CNRIP1: variants seen among roughly 807,000 people sequenced by gnomAD.
The protein encoded by CNRIP1 is cannabinoid receptor interacting protein 1.
CNRIP1 carries 10 observed loss-of-function variants against 15.2 expected under a neutral mutation model. The ratio of observed to expected loss-of-function variants is 0.66; its 90% CI spans 0.41 to 1.12. The LOEUF (loss-of-function observed/expected upper bound fraction) is 1.12, where lower values mean the gene tolerates loss of function less well. CNRIP1 is among the 50% of genes most tolerant of loss of function. The pLI is 0.00. For missense variants in CNRIP1, 211 were observed against 214.7 expected, an observed-to-expected ratio of 0.98 and a Z score of 0.11; for synonymous variants, 91 against 83.2, an observed-to-expected ratio of 1.09 and a Z score of -0.51.
At position 68,312,585 on chromosome 2, in the gene CNRIP1, G is replaced by T. The variant is rs538022132; in HGVS notation, c.330+4572C>A. On this transcript the variant is annotated intron_variant, in intron 2 of 2. Transcript: ENST00000263655. ...TGTCCACTCTCACCATTTCTATTTAGCAGCATACTGCGAAGGTCCTAGCCA... is the reference window on the plus strand; with the variant it reads ...TGTCCACTCTCACCATTTCTATTTATCAGCATACTGCGAAGGTCCTAGCCA... Among the ~76,000 whole-genome samples, 4 of 152,180 alleles carry T rather than the reference G, an allele frequency of 2.6e-5. No homozygotes were observed. In the East Asian group the frequency reaches 7.7e-4, roughly 29 times the overall value.
At chr2:68,307,426 A>T (rs1426568034) in intron 2 of CNRIP1, among the ~76,000 whole-genome samples, 1 of 152,104 alleles carries the variant, frequency 6.6e-6, no homozygotes, top group Non-Finnish European at 1.5e-5. Context: ...GGCTGGAGTA[A>T]CCCTCCCACC....
At chr2:68,291,345 A>C (rs924042774), downstream of CNRIP1, among the ~76,000 whole-genome samples, 9 of 152,046 alleles carry the variant, frequency 5.9e-5, no homozygotes, top group African/African-American at 2.2e-4. Flanking sequence ...AACTCTTAAA[A>C]GGCTTCAGAA....
At chr2:68,317,385 G>A (rs1672314959) in intron 1 of CNRIP1, 78 bp from the exon 2 acceptor site, 2 of 1,504,172 alleles carry the variant, frequency 1.3e-6, no homozygotes, top group Non-Finnish European at 9.1e-7. Flanking sequence ...AAAACTCTAG[G>A]CAGGAAACTT....
At chr2:68,308,114 G>A (rs1300237552) in intron 2 of CNRIP1, among the ~76,000 whole-genome samples, 1 of 152,028 alleles carries the variant, frequency 6.6e-6, no homozygotes, top group East Asian at 1.9e-4. Context: ...GGTCTCTTGA[G>A]CCCAGGAGTT....
intron 1 of CNRIP1, among the ~76,000 whole-genome samples, chr2:68,319,016 G>C (rs890341834): frequency 2.0e-5 from 3 of 152,262 alleles, no homozygotes; most frequent in African/African-American, 7.2e-5. Flanking sequence ...GCGATGGGTG[G>C]AGGGAAGCGA....
intron 2 of CNRIP1, among the ~76,000 whole-genome samples, chr2:68,308,241 T>G (rs1459565554): frequency 6.6e-6 from 1 of 151,146 alleles, no homozygotes; most frequent in Admixed American, 6.6e-5. Context: ...AAACCCCCGA[T>G]GTCATTGGGA....
chr2:68,284,566 C>G, intron 2 of CNRIP1: 1 of 843,476 alleles, frequency 1.2e-6, no homozygotes, highest in Non-Finnish European at 1.8e-6. Flanking sequence ...AATCCCAGCA[C>G]TTTGGGAGGC....
chr2:68,296,102 CACT>C (rs924736537), intron 2 of CNRIP1, among the ~76,000 whole-genome samples: 1 of 152,144 alleles, frequency 6.6e-6, no homozygotes, highest in Non-Finnish European at 1.5e-5. Flanking sequence ...AACAATGCAA[CACT>C]AAAGGTCCAT....
rs1038164866 is a variant in CNRIP1 at position 68,293,302 on chromosome 2, T to C, written c.*560A>G. On this transcript the variant is annotated 3_prime_UTR_variant, in exon 3 of 3. Coordinates refer to ENST00000263655, the MANE Select transcript of CNRIP1 (RefSeq NM_015463.3). ...TATTTGTCCTTCTAGTTTGTTACCATCCTTCCCTGAAAGAGCGGAGCTGTT... is the reference window on the plus strand; with the variant it reads ...TATTTGTCCTTCTAGTTTGTTACCACCCTTCCCTGAAAGAGCGGAGCTGTT... 1 of 986,032 alleles carries C rather than the reference T, an allele frequency of 1.0e-6. No individual in the cohort carries two copies. The highest frequency in any genetic ancestry group is 1.2e-6 in the Non-Finnish European group (1 of 830,318). The allele number at this position is 986,032 out of a possible 1,614,324, so 61.1% of individuals were successfully genotyped here. A position where few individuals can be genotyped will look rare whatever the true frequency, so the allele number is the denominator to read the frequency against.
chr2:68,308,698 G>C (rs1671960222), intron 2 of CNRIP1, among the ~76,000 whole-genome samples: 1 of 152,068 alleles, frequency 6.6e-6, no homozygotes, highest in Non-Finnish European at 1.5e-5. Flanking sequence ...CATAATGCTT[G>C]GTTTGAGCTT....
At chr2:68,292,902 G>C (rs1260781651), downstream of CNRIP1, 2 of 521,564 alleles carry the variant, frequency 3.8e-6, no homozygotes, top group African/African-American at 2.1e-5. Context: ...TTCTACTCCG[G>C]ATACATCCCC....
downstream of CNRIP1, among the ~76,000 whole-genome samples, chr2:68,290,832 G>A (rs1671150781): frequency 6.6e-6 from 1 of 152,196 alleles, no homozygotes. Context: ...TTCTCAGTAA[G>A]CGAGGTGTCA....
chr2:68,319,142 G>C, intron 1 of CNRIP1, 80 bp downstream of exon 1: 1 of 1,385,742 alleles, frequency 7.2e-7, no homozygotes. Flanking sequence ...CCCTTGAGAG[G>C]CTCGGGCTGT....
intron 2 of CNRIP1, among the ~76,000 whole-genome samples, chr2:68,287,009 C>T (rs560237283): frequency 6.6e-6 from 1 of 152,298 alleles, no homozygotes; most frequent in South Asian, 2.1e-4. Context: ...TAATTCATCT[C>T]TCTACCTCCA....
At chr2:68,305,849 C>G (rs1671822399) in intron 2 of CNRIP1, among the ~76,000 whole-genome samples, 1 of 149,198 alleles carries the variant, frequency 6.7e-6, no homozygotes, top group Non-Finnish European at 1.5e-5. Context: ...GATATTAAGG[C>G]TGGGCACGGT....
intron 2 of CNRIP1, among the ~76,000 whole-genome samples, chr2:68,307,134 A>G (rs1262599201): frequency 6.6e-6 from 1 of 152,228 alleles, no homozygotes; most frequent in Non-Finnish European, 1.5e-5. Flanking sequence ...ACAATTGTAT[A>G]TATTGTCTAA....
chr2:68,305,447 C>T (rs1230585095), intron 2 of CNRIP1, among the ~76,000 whole-genome samples: 2 of 151,698 alleles, frequency 1.3e-5, no homozygotes, highest in African/African-American at 2.4e-5. Context: ...CAGATTTCGT[C>T]AAGGGAAATG....
rs201776423 is a variant in CNRIP1, at chr2:68,314,538, G to GA, written c.330+2618dup. 2.3e-3 allele frequency among the ~76,000 whole-genome samples: 339 copies of GA among 149,678 alleles called. 2 individuals are homozygous for GA. Among genetic ancestry groups the GA allele is most frequent in the Admixed American group, 4.6e-3 (69 of 15,032 alleles). On this transcript the variant is annotated intron_variant, in intron 2 of 2. Coordinates refer to ENST00000263655, the MANE Select transcript of CNRIP1 (RefSeq NM_015463.3). ...ACATTAGACAATGCAATATGACCAG[G>GA]AAAAAAAAAGACAGTTATATTCAGA...
intron 1 of CNRIP1, among the ~76,000 whole-genome samples, chr2:68,318,142 T>C (rs1288180618): frequency 6.6e-6 from 1 of 151,944 alleles, no homozygotes; most frequent in Admixed American, 6.6e-5. Flanking sequence ...AAAGGGTGCA[T>C]GGAGCTGTGG....
Sources: gnomAD v4.1 joint callset for allele counts (sites outside exome capture counted in the v4.1 genomes callset) on GRCh38, gnomAD v4.1.1 for gene constraint, MANE v1.5 for transcripts, NCBI Gene and HGNC (gene_info 2026-07-23, HGNC 2026-07-21) for gene names.